The following SVIL variants were observed in gnomAD, a reference collection of about 807,000 sequenced individuals.
SVIL encodes the protein archvillin.
In SVIL, 101 loss-of-function variants were observed where a neutral mutation model predicts 240.4. That is an observed-to-expected ratio of 0.42 (90% confidence interval 0.36 to 0.50). SVIL has a LOEUF of 0.50. SVIL is among the 20% of genes least tolerant of loss of function. The pLI, the probability that SVIL is intolerant of heterozygous loss-of-function variation, is 0.01. For missense variants in SVIL, 2,512 were observed against 2,818.7 expected, an observed-to-expected ratio of 0.89 and a Z score of 2.46; for synonymous variants, 999 against 1,100.0, an observed-to-expected ratio of 0.91 and a Z score of 1.82.
chr10:29,482,554 T>G (rs1947002361), intron 27 of SVIL, among the ~76,000 whole-genome samples: 1 of 152,206 alleles, frequency 6.6e-6, no homozygotes, highest in Non-Finnish European at 1.5e-5. Context: ...AGTATGGAGA[T>G]TCTCCCGTCA....
In SVIL at chr10:29,554,854, A is replaced by C. The variant is rs1953756641; in HGVS notation, c.89T>G (p.Val30Gly). ...GTCTTCCTCCAGCAGGCGGTGAGTCACCAATCCTGTGCAGCTCTGCAAGAG... is the reference window on the plus strand; with the variant it reads ...GTCTTCCTCCAGCAGGCGGTGAGTCCCCAATCCTGTGCAGCTCTGCAAGAG... ...PILLQSCTGL[V>G]THRLLEEDTP... The change falls in exon 5 of 38, where the codon GTG (valine) becomes GGG (glycine). Residue 30 changes from valine to glycine, a missense_variant. Around this residue, in one of 3 missense-constraint regions of SVIL, gnomAD observed 1,443 missense variants for 1,486.6 expected, o/e 0.97. Transcript: ENST00000355867. 6.2e-7 allele frequency: 1 copy of C among 1,613,874 alleles called. No individual in the cohort carries two copies. The highest frequency in any genetic ancestry group is 1.7e-5 in the Admixed American group (1 of 59,968).
intron 1 of SVIL, among the ~76,000 whole-genome samples, chr10:29,630,161 G>A (rs1470686162): frequency 1.3e-5 from 2 of 152,042 alleles, no homozygotes; most frequent in East Asian, 1.9e-4. Context: ...GAGGGAATAC[G>A]CTATAGGCTT....
At chr10:29,636,899 G>GCT (rs764572326), upstream of SVIL, among the ~76,000 whole-genome samples, 157 of 152,180 alleles carry the variant, frequency 1.0e-3, no homozygotes, top group South Asian at 0.012. Flanking sequence ...AACCTCCCCA[G>GCT]GAGGCAGTCC....
chr10:29,692,841 G>A (rs1961620404), intron 1 of SVIL, among the ~76,000 whole-genome samples: 1 of 151,976 alleles, frequency 6.6e-6, no homozygotes, highest in African/African-American at 2.4e-5. Context: ...TAGTATTTCA[G>A]AATGCTCCAT....
At chr10:29,584,993 G>C (rs989142854) in intron 1 of SVIL, among the ~76,000 whole-genome samples, 1 of 152,092 alleles carries the variant, frequency 6.6e-6, no homozygotes, top group African/African-American at 2.4e-5. Flanking sequence ...CCTCGACTTC[G>C]GGTTTGAGCA....
At chr10:29,529,622 T>C (rs1951208366) in intron 12 of SVIL, 83 bp downstream of exon 12, 2 of 1,441,198 alleles carry the variant, frequency 1.4e-6, no homozygotes, top group East Asian at 2.5e-5. Flanking sequence ...CCCCAATGCC[T>C]CATTTTCATT....
chr10:29,460,616 C>A (rs1024143735), intron 36 of SVIL, among the ~76,000 whole-genome samples: 4 of 152,120 alleles, frequency 2.6e-5, no homozygotes, highest in Admixed American at 2.6e-4. Context: ...CAGGCATCTC[C>A]AATAGTATCA....
At chr10:29,580,758 C>T (rs1955909790) in intron 1 of SVIL, among the ~76,000 whole-genome samples, 1 of 152,164 alleles carries the variant, frequency 6.6e-6, no homozygotes, top group South Asian at 2.1e-4. Flanking sequence ...CCTCAACCTC[C>T]TGGGCTTAAG....
Position 29,487,162 on chromosome 10 carries a change from C to T in SVIL, c.4485+1G>A, listed in dbSNP as rs760509048. The T allele has an allele frequency of 6.2e-7, 1 of 1,613,886 alleles. No homozygotes were observed. Among genetic ancestry groups the T allele is most frequent in the East Asian group, 2.2e-5 (1 of 44,868 alleles). ...AGCATTTTTATTTTTCAGGTACCAA[C>T]CTTCGCCTTTTCTATGACGTTTGCA... On this transcript the variant is annotated splice_donor_variant, in intron 24 of 37. Transcript: ENST00000355867. LOFTEE classifies it high-confidence loss of function.
chr10:29,705,280 A>T (rs372691504), intron 1 of SVIL, among the ~76,000 whole-genome samples: 2 of 152,226 alleles, frequency 1.3e-5, no homozygotes, highest in South Asian at 2.1e-4. Flanking sequence ...TGAATAATGG[A>T]TCCCCAAAAG....
At chr10:29,690,360 TG>T (rs1961409364) in intron 1 of SVIL, among the ~76,000 whole-genome samples, 1 of 152,196 alleles carries the variant, frequency 6.6e-6, no homozygotes, top group Non-Finnish European at 1.5e-5. Context: ...TATGAAATGT[TG>T]GTCCCCATTT....
intron 36 of SVIL, among the ~76,000 whole-genome samples, chr10:29,462,061 T>C (rs1944323535): frequency 6.6e-6 from 1 of 152,262 alleles, no homozygotes; most frequent in Non-Finnish European, 1.5e-5. Flanking sequence ...TTTTAAAATT[T>C]GGGTATCGTG....
intron 2 of SVIL, among the ~76,000 whole-genome samples, chr10:29,676,288 A>G (rs1161449902): frequency 6.6e-6 from 1 of 152,130 alleles, no homozygotes; most frequent in African/African-American, 2.4e-5. Flanking sequence ...TCAAGACCGA[A>G]CCACTGGTGT....
chr10:29,678,180 G>T (rs922612311), intron 2 of SVIL, among the ~76,000 whole-genome samples: 1 of 151,866 alleles, frequency 6.6e-6, no homozygotes, highest in African/African-American at 2.4e-5. Context: ...CATTTATTGT[G>T]CAATTTATTA....
At chr10:29,654,063 T>G (rs573587151) in intron 3 of SVIL, among the ~76,000 whole-genome samples, 1 of 152,298 alleles carries the variant, frequency 6.6e-6, no homozygotes, top group African/African-American at 2.4e-5. Context: ...TAGTATCTAC[T>G]TGTCAATTAA....
intron 33 of SVIL, among the ~76,000 whole-genome samples, chr10:29,466,388 C>A (rs2132289965): frequency 6.6e-6 from 1 of 152,138 alleles, no homozygotes; most frequent in South Asian, 2.1e-4. Context: ...AAATAATATG[C>A]TGAATTTATG....
At chr10:29,720,093 A>G (rs962669278) in intron 1 of SVIL, among the ~76,000 whole-genome samples, 30 of 152,322 alleles carry the variant, frequency 2.0e-4, no homozygotes, top group African/African-American at 7.2e-4. Flanking sequence ...CTGTAGTCCC[A>G]GTTGCTCGGG....
At chr10:29,577,779 A>C (rs1955768412) in intron 1 of SVIL, among the ~76,000 whole-genome samples, 1 of 152,234 alleles carries the variant, frequency 6.6e-6, no homozygotes, top group Admixed American at 6.5e-5. Context: ...TTACACCAAC[A>C]ACAAACTATA....
Position 29,512,756 on chromosome 10 carries a change from T to G in SVIL, c.3495A>C (p.Ala1165=). 6.2e-7 allele frequency: 1 copy of G among 1,614,092 alleles called. No individual in the cohort carries two copies. Among genetic ancestry groups the G allele is most frequent in the East Asian group, 2.2e-5 (1 of 44,880 alleles). The change falls in exon 17 of 38, where the codon GCA becomes GCC. Residue 1165 remains alanine (A), a synonymous_variant. Transcript: ENST00000355867. ...APASSLHTQE[A]GRSLIKKRVT... ...TTACCTTCTTGATGAGGGACCGCCC[T>G]GCTTCCTGGGTGTGCAGGCTGCTGG...
Sources: allele counts gnomAD v4.1 joint callset (sites outside exome capture counted in the v4.1 genomes callset), GRCh38; gene constraint gnomAD v4.1.1; regional missense constraint gnomAD v4.1.1; transcripts MANE v1.5; gene names NCBI Gene and HGNC (gene_info 2026-07-23, HGNC 2026-07-21).